CSMD2: variants seen among roughly 807,000 people sequenced by gnomAD.
CSMD2 encodes CUB and sushi domain-containing protein 2.
CSMD2 carries 130 observed loss-of-function variants against 398.5 expected under a neutral mutation model. The observed-to-expected ratio is 0.33, with a 90% CI of 0.28 to 0.38. The LOEUF is 0.38. CSMD2 is among the 10% of genes least tolerant of loss of function. CSMD2 has a pLI of 1.00. For missense variants in CSMD2, 3,829 were observed against 4,764.9 expected (o/e 0.80, Z 5.78); for synonymous variants, 1,828 against 1,908.5 (o/e 0.96, Z 1.10).
At chr1:34,126,963 GAA>G (rs796658436) in intron 1 of CSMD2, among the ~76,000 whole-genome samples, 5 of 152,182 alleles carry the variant, frequency 3.3e-5, no homozygotes, top group African/African-American at 1.2e-4. Context: ...TGGGCAGATA[GAA>G]AAAGAGACAC....
At chr1:33,645,538 A>G (rs996631289) in intron 29 of CSMD2, among the ~76,000 whole-genome samples, 18 of 152,216 alleles carry the variant, frequency 1.2e-4, no homozygotes, top group African/African-American at 4.3e-4. Flanking sequence ...TGGGATTTAG[A>G]TAATGGGATT....
chr1:33,770,790 C>T (rs950675416), intron 13 of CSMD2, among the ~76,000 whole-genome samples: 5 of 152,190 alleles, frequency 3.3e-5, no homozygotes, highest in Admixed American at 3.3e-4. Flanking sequence ...TTGGGACAGA[C>T]CTATCTTCTT....
At chr1:34,068,588 T>TA (rs1655377520) in intron 2 of CSMD2, among the ~76,000 whole-genome samples, 1 of 152,220 alleles carries the variant, frequency 6.6e-6, no homozygotes, top group South Asian at 2.1e-4. Flanking sequence ...TTTTTTAACT[T>TA]AAACATTTTT....
rs149952986 is a variant in CSMD2 at position 33,559,632 on chromosome 1, C to T, written c.8381-159G>A. Reference sequence around the variant, plus strand: ...TAAAACCTTTATAAACTGAAATTGTCAGGGGAACATTCTGTCTGCCTTGAA... The same window carrying T: ...TAAAACCTTTATAAACTGAAATTGTTAGGGGAACATTCTGTCTGCCTTGAA... On this transcript the variant is annotated intron_variant, in intron 53 of 70. Coordinates refer to ENST00000373381, the MANE Select transcript of CSMD2 (RefSeq NM_001281956.2). This position sits in a 1 kb window ranked among gnomAD's most constrained non-coding sequence, Gnocchi z 4.0. Among the ~76,000 whole-genome samples the T allele has an allele frequency of 4.7e-3, 719 of 152,260 alleles. 5 individuals carry two copies. Among genetic ancestry groups the T allele is most frequent in the African/African-American group, 0.016 (685 of 41,550 alleles).
At chr1:33,816,702 C>T (rs960223606) in intron 9 of CSMD2, among the ~76,000 whole-genome samples, 4 of 152,052 alleles carry the variant, frequency 2.6e-5, no homozygotes, top group Non-Finnish European at 4.4e-5. Context: ...AAATTAGAAG[C>T]TTATTTCTTC....
chr1:33,760,640 A>C (rs75165198), intron 13 of CSMD2, among the ~76,000 whole-genome samples: 1,904 of 152,298 alleles, frequency 0.013, 71 homozygotes, highest in South Asian at 0.061. Context: ...CTCATATATA[A>C]AAATGGGATT....
intron 2 of CSMD2, among the ~76,000 whole-genome samples, chr1:34,065,328 G>A (rs942068216): frequency 6.6e-6 from 1 of 152,230 alleles, no homozygotes; most frequent in Admixed American, 6.5e-5. Context: ...TGTTGGGTAT[G>A]CACAGAATTC....
chr1:33,845,485 C>T (rs932722823), intron 6 of CSMD2, among the ~76,000 whole-genome samples: 1 of 152,134 alleles, frequency 6.6e-6, no homozygotes, highest in Non-Finnish European at 1.5e-5. Flanking sequence ...GACAAATGGG[C>T]CCTCAGTAAC....
chr1:33,829,702 A>C (rs923349172), intron 6 of CSMD2, among the ~76,000 whole-genome samples: 1 of 152,226 alleles, frequency 6.6e-6, no homozygotes, highest in Admixed American at 6.5e-5. Flanking sequence ...AAGCAGGGTG[A>C]GGCATTGCCT....
intron 5 of CSMD2, among the ~76,000 whole-genome samples, chr1:33,907,088 G>C (rs1643133936): frequency 6.6e-6 from 1 of 151,818 alleles, no homozygotes. Context: ...AATGGGGTAG[G>C]GGTGGGGTTG....
chr1:33,759,324 C>CTTTCTTTTTTTTTTT (rs1553196465), intron 13 of CSMD2, among the ~76,000 whole-genome samples: 1 of 124,792 alleles, frequency 8.0e-6, no homozygotes, highest in Admixed American at 8.1e-5. Flanking sequence ...CTTTTTTTTT[C>CTTTCTTTTTTTTTTT]TTTTTTTTTT....
chr1:33,976,280 G>C (rs574445044), intron 3 of CSMD2, among the ~76,000 whole-genome samples: 36 of 152,324 alleles, frequency 2.4e-4, no homozygotes, highest in African/African-American at 7.9e-4. Flanking sequence ...AGATGATTGA[G>C]GACTTGGTAA....
intron 3 of CSMD2, among the ~76,000 whole-genome samples, chr1:34,004,184 G>A (rs1270098400): frequency 6.6e-6 from 1 of 152,170 alleles, no homozygotes; most frequent in Non-Finnish European, 1.5e-5. Flanking sequence ...AAAGCTCCCA[G>A]AAGCCATCTT....
intron 47 of CSMD2, 74 bp downstream of exon 47, chr1:33,583,568 C>T: frequency 6.9e-7 from 1 of 1,455,460 alleles, no homozygotes. Context: ...AAAACTGCAG[C>T]ACAGACTCCT....
chr1:33,882,875 C>T (rs897633006), intron 5 of CSMD2, among the ~76,000 whole-genome samples: 3 of 152,070 alleles, frequency 2.0e-5, no homozygotes, highest in Non-Finnish European at 2.9e-5. Flanking sequence ...TTCGTGGCTA[C>T]GGATGCAGTC....
chr1:33,910,724 AG>A (rs1473740507), intron 5 of CSMD2, among the ~76,000 whole-genome samples: 2 of 152,206 alleles, frequency 1.3e-5, no homozygotes, highest in Admixed American at 6.5e-5. Flanking sequence ...TAGGGAGCTG[AG>A]GGTGGTCCCC....
At chr1:34,162,426 G>A (rs1641429256) in intron 1 of CSMD2, among the ~76,000 whole-genome samples, 1 of 152,170 alleles carries the variant, frequency 6.6e-6, no homozygotes, top group African/African-American at 2.4e-5. Flanking sequence ...AAATTCAACA[G>A]TGTGAACTGA....
At chr1:33,877,292 A>G (rs1640905650) in intron 5 of CSMD2, among the ~76,000 whole-genome samples, 1 of 152,142 alleles carries the variant, frequency 6.6e-6, no homozygotes, top group Non-Finnish European at 1.5e-5. Flanking sequence ...GGAAAATGAG[A>G]GGTCAGGATT....
In CSMD2 at chr1:33,519,796, C is replaced by A; in HGVS notation, c.10736+16G>T. On this transcript the variant is annotated intron_variant, in intron 69 of 70. Transcript: ENST00000373381. This position sits in a 1 kb window ranked among gnomAD's most constrained non-coding sequence, Gnocchi z 5.6. Reference sequence around the variant, plus strand: ...GGCCTGCCTGATGCCCGCCCTGCCTCCTTCCTGCACGGTACCTGTGCTTGT... The same window carrying A: ...GGCCTGCCTGATGCCCGCCCTGCCTACTTCCTGCACGGTACCTGTGCTTGT... 6.2e-7 allele frequency: 1 copy of A among 1,613,654 alleles called. No homozygotes were observed. The highest frequency in any genetic ancestry group is 1.3e-5 in the African/African-American group (1 of 74,960).
Sources: allele counts gnomAD v4.1 joint callset (sites outside exome capture counted in the v4.1 genomes callset), GRCh38; gene constraint gnomAD v4.1.1; non-coding constraint Gnocchi (gnomAD v3.1); transcripts MANE v1.5; gene names NCBI Gene and HGNC (gene_info 2026-07-23, HGNC 2026-07-21).